Variants in TSPAN9 observed in about 807,000 individuals in gnomAD.
TSPAN9 encodes the protein tetraspanin 9.
Under a neutral mutation model 31.0 loss-of-function variants are expected in TSPAN9, and 16 were observed. The observed-to-expected ratio is 0.52, with a 90% CI of 0.35 to 0.78. TSPAN9 has a LOEUF of 0.78. Ranked by LOEUF, TSPAN9 falls within the 30% of genes least tolerant of loss-of-function variation. The pLI, the probability that TSPAN9 is intolerant of heterozygous loss-of-function variation, is 0.01. For synonymous variants in TSPAN9, 145 were observed against 121.6 expected (o/e 1.19, Z -1.27); for missense variants, 272 against 312.5 (o/e 0.87, Z 0.98).
intron 2 of TSPAN9, among the ~76,000 whole-genome samples, chr12:3,175,212 G>A (rs570749852): frequency 7.9e-5 from 12 of 152,310 alleles, no homozygotes; most frequent in Admixed American, 3.9e-4. Context: ...GCAGGAGTGC[G>A]CTAAGCCTGC....
chr12:3,243,751 C>T (rs559200819), intron 3 of TSPAN9, among the ~76,000 whole-genome samples: 3 of 152,264 alleles, frequency 2.0e-5, no homozygotes, highest in East Asian at 3.9e-4. Flanking sequence ...CCATGTAGGC[C>T]CCATTGATTT....
rs756697829 is a variant in TSPAN9, at chr12:3,116,909, T to G, written c.-18+33190T>G. Among the ~76,000 whole-genome samples the G allele has an allele frequency of 6.8e-4, 103 of 152,190 alleles. 1 individual carries two copies. The highest frequency in any genetic ancestry group is 8.7e-4 in the Non-Finnish European group (59 of 68,040). ...CTTGGACGCATTCTGGCTTGGTGGT[T>G]GTTTGTTGTTTCCTGGACTCATCCT... On this transcript the variant is annotated intron_variant, in intron 2 of 8. Coordinates refer to ENST00000011898, the MANE Select transcript of TSPAN9 (RefSeq NM_006675.5).
intron 2 of TSPAN9, among the ~76,000 whole-genome samples, chr12:3,165,009 A>G (rs2098347553): frequency 6.6e-6 from 1 of 152,054 alleles, no homozygotes; most frequent in Non-Finnish European, 1.5e-5. Flanking sequence ...TTTGGTTGGG[A>G]GGAAAGAGGC....
intron 2 of TSPAN9, among the ~76,000 whole-genome samples, chr12:3,195,429 A>T (rs1426676862): frequency 1.3e-5 from 2 of 149,368 alleles, no homozygotes; most frequent in Admixed American, 6.7e-5. Context: ...TTTTTTTGTT[A>T]AAAAAAAAAT....
chr12:3,133,103 C>G (rs998134058), intron 2 of TSPAN9, among the ~76,000 whole-genome samples: 2 of 152,122 alleles, frequency 1.3e-5, no homozygotes, highest in Admixed American at 1.3e-4. Context: ...AAAGACTGTC[C>G]CTCGGTGAAG....
chr12:3,161,772 A>AATCTATCTATCTATCT (rs79768137), intron 2 of TSPAN9, among the ~76,000 whole-genome samples: 6 of 150,230 alleles, frequency 4.0e-5, no homozygotes, highest in African/African-American at 7.4e-5. Flanking sequence ...CTTGGGTTGA[A>AATCTATCTATCTATCT]ATCTATCTAT....
Position 3,187,304 on chromosome 12 carries a change from C to T in TSPAN9, c.-17-13873C>T, listed in dbSNP as rs1383245555. Among the ~76,000 whole-genome samples the T allele has an allele frequency of 2.6e-5, 4 of 152,126 alleles. No individual in the cohort carries two copies. Among genetic ancestry groups the T allele is most frequent in the African/African-American group, 4.8e-5 (2 of 41,412 alleles). ...TGTCCTTTGGTGTTGTGATGTGGGG[C>T]GTCTCTGCTTTTCCTAGCTGGGTAA... On this transcript the variant is annotated intron_variant, in intron 2 of 8. Transcript: ENST00000011898. The surrounding 1 kb of genome is among the most constrained non-coding windows in gnomAD (Gnocchi z 5.2).
chr12:3,250,862 C>T (rs1031596220), intron 3 of TSPAN9, among the ~76,000 whole-genome samples: 1 of 152,224 alleles, frequency 6.6e-6, no homozygotes, highest in African/African-American at 2.4e-5. Flanking sequence ...AGCAGCCTGC[C>T]CTGAGGAAGG....
At chr12:3,230,635 C>T (rs1485425940) in intron 3 of TSPAN9, among the ~76,000 whole-genome samples, 1 of 152,092 alleles carries the variant, frequency 6.6e-6, no homozygotes, top group Admixed American at 6.5e-5. Context: ...TTCCTCAGCC[C>T]CTGGAGACCC....
At chr12:3,237,641 T>C (rs1455960854) in intron 3 of TSPAN9, among the ~76,000 whole-genome samples, 5 of 152,206 alleles carry the variant, frequency 3.3e-5, no homozygotes, top group African/African-American at 1.2e-4. Context: ...CCGGTTGGGC[T>C]GGAATCGAAA....
intron 3 of TSPAN9, among the ~76,000 whole-genome samples, chr12:3,202,667 C>T (rs1024620105): frequency 3.3e-5 from 5 of 152,136 alleles, no homozygotes; most frequent in Non-Finnish European, 5.9e-5. Context: ...TCCTCATCTT[C>T]TCTCTTGGGG....
intron 2 of TSPAN9, among the ~76,000 whole-genome samples, chr12:3,176,233 T>C (rs1204086824): frequency 2.6e-5 from 4 of 152,154 alleles, no homozygotes; most frequent in Non-Finnish European, 4.4e-5. Flanking sequence ...TACGGAGCAG[T>C]GTGCAGAGTG....
At chr12:3,268,136 G>GCCTGCCCTCC (rs1351972203) in intron 3 of TSPAN9, among the ~76,000 whole-genome samples, 2 of 152,064 alleles carry the variant, frequency 1.3e-5, no homozygotes, top group Admixed American at 6.5e-5. Flanking sequence ...CTATTCCGTA[G>GCCTGCCCTCC]GTGCTGCAGC....
chr12:3,250,300 A>G (rs1862223752), intron 3 of TSPAN9, among the ~76,000 whole-genome samples: 1 of 152,210 alleles, frequency 6.6e-6, no homozygotes, highest in Non-Finnish European at 1.5e-5. Context: ...TCGAGCTTCA[A>G]GGGTTGCCTG....
chr12:3,105,316 G>A (rs1463391611), intron 2 of TSPAN9, among the ~76,000 whole-genome samples: 1 of 151,854 alleles, frequency 6.6e-6, no homozygotes, highest in Admixed American at 6.6e-5. Flanking sequence ...AACATGCCCC[G>A]TATTTTACCT....
chr12:3,148,797 C>T (rs1484629239), intron 2 of TSPAN9, among the ~76,000 whole-genome samples: 1 of 152,228 alleles, frequency 6.6e-6, no homozygotes, highest in African/African-American at 2.4e-5. Context: ...AGGGACTGCC[C>T]CATCCAGCTG....
At chr12:3,140,398 T>C (rs2098334238) in intron 2 of TSPAN9, among the ~76,000 whole-genome samples, 1 of 152,068 alleles carries the variant, frequency 6.6e-6, no homozygotes, top group African/African-American at 2.4e-5. Context: ...GAGAGTCATG[T>C]GTGGTGCGAA....
At chr12:3,156,021 A>G (rs1222163825) in intron 2 of TSPAN9, among the ~76,000 whole-genome samples, 1 of 152,206 alleles carries the variant, frequency 6.6e-6, no homozygotes, top group African/African-American at 2.4e-5. Flanking sequence ...CTAGGGAAGT[A>G]AACACCCAGT....
intron 2 of TSPAN9, among the ~76,000 whole-genome samples, chr12:3,156,968 G>T (rs139030585): frequency 6.6e-6 from 1 of 152,322 alleles, no homozygotes; most frequent in East Asian, 1.9e-4. Context: ...TTGACCTTGA[G>T]TAACTATAGT....
Sources: gnomAD v4.1 joint callset for allele counts (sites outside exome capture counted in the v4.1 genomes callset) on GRCh38, gnomAD v4.1.1 for gene constraint, Gnocchi (gnomAD v3.1) non-coding constraint, MANE v1.5 for transcripts, NCBI Gene and HGNC (gene_info 2026-07-23, HGNC 2026-07-21) for gene names.